Variants in PRKAR1B observed in about 807,000 individuals in gnomAD.
PRKAR1B encodes cAMP-dependent protein kinase type I-beta regulatory subunit.
PRKAR1B carries 22 observed loss-of-function variants against 46.5 expected under a neutral mutation model. The observed-to-expected ratio is 0.47, with a 90% CI of 0.34 to 0.68. The LOEUF (loss-of-function observed/expected upper bound fraction) is 0.68, where lower values mean the gene tolerates loss of function less well. Ranked by LOEUF, PRKAR1B falls within the 30% of genes least tolerant of loss-of-function variation. The pLI is 0.01. For synonymous variants in PRKAR1B, 259 were observed against 217.7 expected, an observed-to-expected ratio of 1.19 and a Z score of -1.67; for missense variants, 445 against 535.6, an observed-to-expected ratio of 0.83 and a Z score of 1.67.
At chr7:572,643 G>A (rs9330378) in intron 9 of PRKAR1B, among the ~76,000 whole-genome samples, 98,137 of 152,152 alleles carry the variant, frequency 0.64, 32,208 homozygotes, top group African/African-American at 0.75. Context: ...ATCTTCGGGC[G>A]GAGTGGGAGC....
At chr7:720,877 T>C (rs1781048352) in intron 1 of PRKAR1B, among the ~76,000 whole-genome samples, 2 of 152,204 alleles carry the variant, frequency 1.3e-5, no homozygotes, top group African/African-American at 2.4e-5. Context: ...CATCATACAG[T>C]TGGGTCATGT....
At chr7:680,522 T>TG (rs762712609) in intron 3 of PRKAR1B, 34 bp downstream of exon 3, 1 of 1,579,056 alleles carries the variant, frequency 6.3e-7, no homozygotes, top group Non-Finnish European at 8.6e-7. Flanking sequence ...TGCCGAGGCC[T>TG]GGGGACAGGA....
intron 2 of PRKAR1B, among the ~76,000 whole-genome samples, chr7:691,094 C>T (rs1039996078): frequency 2.4e-4 from 37 of 151,102 alleles, no homozygotes; most frequent in Non-Finnish European, 4.7e-4. Flanking sequence ...AAATCCTACC[C>T]GAAGGGTCCC....
intron 9 of PRKAR1B, among the ~76,000 whole-genome samples, chr7:555,180 G>A (rs530818762): frequency 1.3e-5 from 2 of 152,328 alleles, no homozygotes; most frequent in Admixed American, 6.5e-5. Context: ...CAGTTGCTGG[G>A]GAATATGACC....
Position 605,863 on chromosome 7 carries a change from C to T in PRKAR1B, c.549+330G>A, listed in dbSNP as rs1233877016. On this transcript the variant is annotated intron_variant, in intron 6 of 10. Coordinates refer to ENST00000537384, the MANE Select transcript of PRKAR1B (RefSeq NM_001164760.2). The stretch of plus-strand genomic sequence containing the variant: ...TGGTGGGTGAGCCTGGTGTATTCAT[C>T]GGCCTCGGATCTGGAGACGGCGCTG... Among the ~76,000 whole-genome samples, 7 of 152,286 alleles carry T rather than the reference C, an allele frequency of 4.6e-5. No homozygotes were observed. In the East Asian group the frequency reaches 7.7e-4, roughly 17 times the overall value.
intron 4 of PRKAR1B, among the ~76,000 whole-genome samples, chr7:634,909 G>A (rs1168235876): frequency 6.6e-6 from 1 of 151,994 alleles, no homozygotes; most frequent in African/African-American, 2.4e-5. Context: ...CAAAGTGCTG[G>A]GATCACAGGT....
intron 2 of PRKAR1B, among the ~76,000 whole-genome samples, chr7:686,302 GA>G (rs376876983): frequency 0.011 from 1,457 of 138,600 alleles, 21 homozygotes; most frequent in African/African-American, 0.033. Context: ...TTATGTCTCA[GA>G]AAAAAAAAAA....
chr7:688,903 C>G (rs1388670604), intron 2 of PRKAR1B, among the ~76,000 whole-genome samples: 2 of 152,164 alleles, frequency 1.3e-5, no homozygotes, highest in Non-Finnish European at 2.9e-5. Context: ...CGCCTGCATA[C>G]AGTAAATGCT....
At chr7:575,766 G>A (rs1779783472) in intron 9 of PRKAR1B, among the ~76,000 whole-genome samples, 1 of 152,074 alleles carries the variant, frequency 6.6e-6, no homozygotes, top group Non-Finnish European at 1.5e-5. Flanking sequence ...GTAGAGATGG[G>A]GTCTCACTAT....
At chr7:715,578 T>C (rs1780843301) in intron 1 of PRKAR1B, among the ~76,000 whole-genome samples, 1 of 152,120 alleles carries the variant, frequency 6.6e-6, no homozygotes, top group Admixed American at 6.6e-5. Flanking sequence ...TGGGGTAGGT[T>C]ATTTTTCTCA....
intron 4 of PRKAR1B, among the ~76,000 whole-genome samples, chr7:647,992 A>G (rs2065886864): frequency 6.6e-6 from 1 of 151,650 alleles, no homozygotes; most frequent in South Asian, 2.1e-4. Context: ...CAAAAAATTT[A>G]AAAATTAGCC....
chr7:607,766 A>T (rs1419847948), intron 4 of PRKAR1B: 1 of 289,320 alleles, frequency 3.5e-6, no homozygotes, highest in Non-Finnish European at 6.5e-6. Context: ...AAACAAAAGT[A>T]ACAATAGATT....
Position 666,748 on chromosome 7 carries a change from G to A in PRKAR1B, c.440+10481C>T, listed in dbSNP as rs1785950628. Among the ~76,000 whole-genome samples the A allele has an allele frequency of 6.6e-6, 1 of 152,246 alleles. No individual in the cohort carries two copies. On this transcript the variant is annotated intron_variant, in intron 4 of 10. Coordinates refer to ENST00000537384, the MANE Select transcript of PRKAR1B (RefSeq NM_001164760.2). The surrounding 1 kb of genome is among the most constrained non-coding windows in gnomAD (Gnocchi z 4.9). ...CTATTCACCAACTCAGGCCCAGGGT[G>A]GAGCAGAGAATGACTCAAGGCTACC...
intron 2 of PRKAR1B, among the ~76,000 whole-genome samples, chr7:692,478 G>C (rs1176222647): frequency 2.0e-5 from 3 of 152,082 alleles, no homozygotes; most frequent in Non-Finnish European, 2.9e-5. Context: ...GAAGAGAAGA[G>C]AGAGAAGGCA....
chr7:596,522 G>T (rs967563952), intron 6 of PRKAR1B, among the ~76,000 whole-genome samples: 1 of 152,216 alleles, frequency 6.6e-6, no homozygotes, highest in Non-Finnish European at 1.5e-5. Context: ...GCCACGGTGG[G>T]ACAGCATCAG....
intron 1 of PRKAR1B, among the ~76,000 whole-genome samples, chr7:725,404 G>A (rs141820206): frequency 4.9e-4 from 74 of 152,314 alleles, no homozygotes; most frequent in African/African-American, 1.6e-3. Flanking sequence ...TTTGCAGTGA[G>A]TGCTGTCAAA....
chr7:588,945 G>GTGGTGA (rs1780821809), intron 7 of PRKAR1B, among the ~76,000 whole-genome samples: 2 of 7,288 alleles, frequency 2.7e-4, no homozygotes, highest in Admixed American at 1.4e-3. Flanking sequence ...GGTGGTGATG[G>GTGGTGA]TGGTGATGGT....
chr7:639,825 C>G lies in PRKAR1B; in HGVS notation c.441-32373G>C, dbSNP rs139680554. 8.0e-4 allele frequency among the ~76,000 whole-genome samples: 121 copies of G among 151,946 alleles called. 1 individual carries two copies. In the East Asian group the frequency reaches 9.5e-3, roughly 12 times the overall value. On this transcript the variant is annotated intron_variant, in intron 4 of 10. Coordinates refer to ENST00000537384, the MANE Select transcript of PRKAR1B (RefSeq NM_001164760.2). ...GCCATGATCATCGCGCCACTGCACT[C>G]CAGCCTGGGCAACAGAGCAAGAATC...
intron 2 of PRKAR1B, among the ~76,000 whole-genome samples, chr7:688,129 G>A (rs1024696114): frequency 1.5e-4 from 22 of 142,818 alleles, no homozygotes; most frequent in East Asian, 4.2e-4. Context: ...AGCTGAGCAC[G>A]GTGGCTCACA....
Sources: allele counts gnomAD v4.1 joint callset (sites outside exome capture counted in the v4.1 genomes callset), GRCh38; gene constraint gnomAD v4.1.1; non-coding constraint Gnocchi (gnomAD v3.1); transcripts MANE v1.5; gene names NCBI Gene and HGNC (gene_info 2026-07-23, HGNC 2026-07-21).